The following PTPRG variants were observed in gnomAD, a reference collection of about 807,000 sequenced individuals.
The protein encoded by PTPRG is protein tyrosine phosphatase receptor type G.
Under a neutral mutation model 165.3 loss-of-function variants are expected in PTPRG, and 102 were observed. That is an observed-to-expected ratio of 0.62 (90% CI 0.53 to 0.73). The LOEUF (loss-of-function observed/expected upper bound fraction) is 0.73. Ranked by LOEUF, PTPRG falls within the 30% of genes least tolerant of loss-of-function variation. The pLI is 0.00. For synonymous variants in PTPRG, 675 were observed against 669.5 expected (o/e 1.01, Z -0.13); for missense variants, 1,866 against 1,861.4 (o/e 1.00, Z -0.05).
At chr3:61,630,272 G>A (rs1701732377) in intron 1 of PTPRG, among the ~76,000 whole-genome samples, 2 of 152,186 alleles carry the variant, frequency 1.3e-5, no homozygotes, top group Admixed American at 1.3e-4. Flanking sequence ...TTTAGTTAAA[G>A]GTGTTGTCAT....
intron 2 of PTPRG, among the ~76,000 whole-genome samples, chr3:61,974,797 T>C (rs2040465214): frequency 6.6e-6 from 1 of 152,200 alleles, no homozygotes; most frequent in Non-Finnish European, 1.5e-5. Flanking sequence ...ATCCCAGTAC[T>C]GGTAGTCTGT....
At chr3:61,580,536 C>G (rs1397275250) in intron 1 of PTPRG, among the ~76,000 whole-genome samples, 1 of 152,054 alleles carries the variant, frequency 6.6e-6, no homozygotes, top group Non-Finnish European at 1.5e-5. Context: ...GGCGTTTCAC[C>G]ATGTGGGCCA....
At chr3:61,801,572 G>A (rs892379603) in intron 2 of PTPRG, among the ~76,000 whole-genome samples, 1 of 152,132 alleles carries the variant, frequency 6.6e-6, no homozygotes, top group Non-Finnish European at 1.5e-5. Flanking sequence ...AGAAACTCAA[G>A]TCGGCTTGTG....
At chr3:62,123,500 TATAAC>T (rs1703158926) in intron 5 of PTPRG, among the ~76,000 whole-genome samples, 1 of 152,198 alleles carries the variant, frequency 6.6e-6, no homozygotes, top group African/African-American at 2.4e-5. Context: ...TGGGTTCAGT[TATAAC>T]ATAGCATAAT....
intron 4 of PTPRG, among the ~76,000 whole-genome samples, chr3:62,021,938 A>G (rs2041704340): frequency 6.8e-6 from 1 of 147,584 alleles, no homozygotes; most frequent in African/African-American, 2.5e-5. Context: ...CTTCCCCCTC[A>G]AAAAAGAAAG....
rs752062365 is a variant in PTPRG, at chr3:62,191,626, G to A, written c.1191G>A (p.Thr397=). ...AGAATGAGGACGAGAAGGAGAAGAC[G>A]TTTACAAAGGACAGCGACAAAGACT... ...WTKNEDEKEK[T]FTKDSDKDLK... is the part of the protein sequence containing the mutation. Residue 397 remains threonine (T), a synonymous_variant, in exon 9 of 30, where the codon ACG becomes ACA. Transcript: ENST00000474889. The A allele has an allele frequency of 1.5e-5, 24 of 1,614,050 alleles. No homozygotes were observed. Among genetic ancestry groups the A allele is most frequent in the South Asian group, 4.4e-5 (4 of 91,082 alleles).
chr3:61,987,855 T>G (rs184546534), intron 2 of PTPRG, among the ~76,000 whole-genome samples: 55 of 152,244 alleles, frequency 3.6e-4, no homozygotes, highest in Non-Finnish European at 1.2e-4. Flanking sequence ...CTTTTTTTTC[T>G]TTTTTCTCCA....
intron 2 of PTPRG, among the ~76,000 whole-genome samples, chr3:61,959,248 C>G (rs1366260096): frequency 6.6e-6 from 1 of 152,158 alleles, no homozygotes. Flanking sequence ...CCTGTGTTAG[C>G]TTAGCCGAGG....
intron 1 of PTPRG, among the ~76,000 whole-genome samples, chr3:61,566,398 G>A (rs925559562): frequency 8.5e-5 from 13 of 152,240 alleles, no homozygotes; most frequent in Non-Finnish European, 4.4e-5. Flanking sequence ...ATACACCTGT[G>A]TGCTGATTGA....
chr3:62,135,379 A>G (rs1258549113), intron 6 of PTPRG, among the ~76,000 whole-genome samples: 1 of 152,170 alleles, frequency 6.6e-6, no homozygotes, highest in Admixed American at 6.5e-5. Context: ...TTGAAGGAAC[A>G]TAAATAATCA....
At chr3:61,759,110 T>A (rs2033742341) in intron 2 of PTPRG, among the ~76,000 whole-genome samples, 1 of 152,190 alleles carries the variant, frequency 6.6e-6, no homozygotes, top group Non-Finnish European at 1.5e-5. Context: ...CAGCTGGTAA[T>A]CTCCTATGAC....
intron 5 of PTPRG, among the ~76,000 whole-genome samples, chr3:62,090,896 T>G (rs2106794605): frequency 6.6e-6 from 1 of 152,290 alleles, no homozygotes; most frequent in Admixed American, 6.5e-5. Context: ...TACTGGCTTG[T>G]TCCTTTGGAC....
intron 8 of PTPRG, among the ~76,000 whole-genome samples, chr3:62,183,533 C>A (rs1185034166): frequency 6.7e-6 from 1 of 149,520 alleles, no homozygotes; most frequent in Non-Finnish European, 1.5e-5. Context: ...CACTGCACTC[C>A]AGCCTAGGCG....
At chr3:62,261,274 G>A (rs1701690038) in intron 16 of PTPRG, among the ~76,000 whole-genome samples, 1 of 152,184 alleles carries the variant, frequency 6.6e-6, no homozygotes, top group South Asian at 2.1e-4. Context: ...ATTTTCAAAA[G>A]TTGTCTGCCC....
At chr3:62,136,635 G>A (rs1179538638) in intron 6 of PTPRG, among the ~76,000 whole-genome samples, 2 of 152,150 alleles carry the variant, frequency 1.3e-5, no homozygotes, top group African/African-American at 2.4e-5. Context: ...CCCAGTGGGA[G>A]GTAATTGAAT....
At chr3:62,131,517 GA>G (rs1357071195) in intron 5 of PTPRG, among the ~76,000 whole-genome samples, 2 of 152,172 alleles carry the variant, frequency 1.3e-5, no homozygotes, top group Non-Finnish European at 2.9e-5. Flanking sequence ...GAATTGACCT[GA>G]AAACATCAAA....
intron 6 of PTPRG, among the ~76,000 whole-genome samples, chr3:62,156,706 G>T (rs564003390): frequency 6.6e-6 from 1 of 152,114 alleles, no homozygotes; most frequent in East Asian, 1.9e-4. Context: ...GGAAGGGGTG[G>T]GTTAAACAAA....
intron 1 of PTPRG, among the ~76,000 whole-genome samples, chr3:61,722,246 T>C (rs373231887): frequency 1.2e-4 from 16 of 133,212 alleles, no homozygotes; most frequent in African/African-American, 1.4e-4. Context: ...CACACACACA[T>C]GCACAAAAGA....
At chr3:62,078,118 A>G (rs767591051) in intron 4 of PTPRG, 45 bp from the exon 5 acceptor site, 2 of 1,331,830 alleles carry the variant, frequency 1.5e-6, no homozygotes, top group South Asian at 1.3e-5. Flanking sequence ...CTTTTTATTT[A>G]TGTTTGAAAA....
Sources: gnomAD v4.1 joint callset for allele counts (sites outside exome capture counted in the v4.1 genomes callset) on GRCh38, gnomAD v4.1.1 for gene constraint, MANE v1.5 for transcripts, NCBI Gene and HGNC (gene_info 2026-07-23, HGNC 2026-07-21) for gene names.